The following ERICH6B variants were observed in gnomAD, a reference collection of about 807,000 sequenced individuals.
The protein encoded by ERICH6B is glutamate-rich protein 6B.
Under a neutral mutation model 80.0 loss-of-function variants are expected in ERICH6B, and 69 were observed. The ratio of observed to expected loss-of-function variants is 0.86; its 90% CI spans 0.71 to 1.05. The LOEUF is 1.05. ERICH6B is among the 50% of genes least tolerant of loss of function. The pLI is 0.00. For synonymous variants in ERICH6B, 283 were observed against 291.9 expected, an observed-to-expected ratio of 0.97 and a Z score of 0.31; for missense variants, 754 against 796.1, an observed-to-expected ratio of 0.95 and a Z score of 0.64.
intron 7 of ERICH6B, among the ~76,000 whole-genome samples, chr13:45,576,875 A>G (rs184735686): frequency 3.0e-4 from 45 of 152,334 alleles, no homozygotes; most frequent in Non-Finnish European, 1.5e-5. Flanking sequence ...CACTGTCAAC[A>G]TGTCAAGTGT....
Position 45,596,748 on chromosome 13 carries a change from C to T in ERICH6B, c.258G>A (p.Leu86=). 1 of 1,551,824 alleles carries T rather than the reference C, an allele frequency of 6.4e-7. No individual in the cohort carries two copies. ...KEEYLKEEEY[L]GKEEHLEEEE... The stretch of plus-strand genomic sequence containing the variant: ...CCTCCTCCAGATGCTCTTCCTTCCC[C>T]AGATACTCTTCCTCCTTCAAGTATT... Residue 86 remains leucine (L), a synonymous_variant, in exon 3 of 15, where the codon CTG becomes CTA. Coordinates refer to ENST00000298738, the MANE Select transcript of ERICH6B (RefSeq NM_182542.3).
At chr13:45,608,235 G>A (rs1489399483) in intron 1 of ERICH6B, among the ~76,000 whole-genome samples, 2 of 152,182 alleles carry the variant, frequency 1.3e-5, no homozygotes, top group African/African-American at 4.8e-5. Flanking sequence ...TTAAGTTAAA[G>A]GCACTGAAAA....
At chr13:45,584,145 A>T (rs1386856651) in intron 5 of ERICH6B, among the ~76,000 whole-genome samples, 1 of 152,238 alleles carries the variant, frequency 6.6e-6, no homozygotes, top group East Asian at 1.9e-4. Context: ...GCCAGGCACT[A>T]AGTATGGAGA....
intron 9 of ERICH6B, among the ~76,000 whole-genome samples, chr13:45,565,257 C>T (rs908948751): frequency 6.6e-6 from 1 of 152,102 alleles, no homozygotes; most frequent in South Asian, 2.1e-4. Context: ...TCAATCTCTT[C>T]CTGACTTTTG....
chr13:45,554,344 C>T (rs956640092), intron 11 of ERICH6B, among the ~76,000 whole-genome samples: 1 of 152,274 alleles, frequency 6.6e-6, no homozygotes, highest in East Asian at 1.9e-4. Context: ...ATATAGACCA[C>T]GTTTTCCTTT....
intron 2 of ERICH6B, among the ~76,000 whole-genome samples, chr13:45,605,712 A>G (rs896141118): frequency 6.6e-6 from 1 of 152,186 alleles, no homozygotes; most frequent in East Asian, 1.9e-4. Flanking sequence ...TAGCTCTCTC[A>G]CAGCCTCTTT....
rs1434799781 is a variant in ERICH6B at position 45,592,969 on chromosome 13, A to C, written c.638-2272T>G. Among the ~76,000 whole-genome samples, 3 of 152,308 alleles carry C rather than the reference A, an allele frequency of 2.0e-5. No homozygotes were observed. The East Asian group carries it at 5.8e-4, about 29-fold the overall frequency. Reference sequence around the variant, plus strand: ...CTAGAGATGGTAAGTGACATGCCCAAGGTCTAGACTCCACCGTGTGCTGGG... The same window carrying C: ...CTAGAGATGGTAAGTGACATGCCCACGGTCTAGACTCCACCGTGTGCTGGG... On this transcript the variant is annotated intron_variant, in intron 3 of 14. Coordinates refer to ENST00000298738, the MANE Select transcript of ERICH6B (RefSeq NM_182542.3).
At chr13:45,612,662 A>G (rs1388882756) in intron 1 of ERICH6B, among the ~76,000 whole-genome samples, 2 of 152,192 alleles carry the variant, frequency 1.3e-5, no homozygotes, top group African/African-American at 2.4e-5. Flanking sequence ...CTACCTGCCT[A>G]GCCAGCAGGG....
chr13:45,563,850 A>C, intron 9 of ERICH6B, 62 bp from the exon 10 acceptor site: 2 of 1,365,222 alleles, frequency 1.5e-6, no homozygotes, highest in Non-Finnish European at 2.0e-6. Flanking sequence ...ATGCCATCAC[A>C]CACAGTGCAG....
intron 3 of ERICH6B, among the ~76,000 whole-genome samples, chr13:45,591,485 A>C (rs1226175998): frequency 2.0e-5 from 3 of 152,034 alleles, no homozygotes; most frequent in African/African-American, 7.2e-5. Flanking sequence ...AGTCCCAGCT[A>C]CTCGGGAGGC....
At chr13:45,580,802 GC>G in intron 5 of ERICH6B, 137 bp from the exon 6 acceptor site, 1 of 783,322 alleles carries the variant, frequency 1.3e-6, no homozygotes. Context: ...ACTGAGGCTG[GC>G]GGCACAGCTG....
In ERICH6B at chr13:45,547,425, T is replaced by G. The variant is rs199751493; in HGVS notation, c.1647-2440A>C. Among the ~76,000 whole-genome samples, 17 of 152,254 alleles carry G rather than the reference T, an allele frequency of 1.1e-4. 1 individual carries two copies. The East Asian group carries it at 3.3e-3, about 29-fold the overall frequency. On this transcript the variant is annotated intron_variant, in intron 13 of 14. Coordinates refer to ENST00000298738, the MANE Select transcript of ERICH6B (RefSeq NM_182542.3). ...AAGAATAAAAGCCCCTCACTCAAGC[T>G]CTGGCTTAGCTAGCTCTTAACCAAT...
intron 13 of ERICH6B, among the ~76,000 whole-genome samples, chr13:45,545,722 C>T (rs1348508467): frequency 1.3e-5 from 2 of 152,218 alleles, no homozygotes; most frequent in East Asian, 1.9e-4. Context: ...AGCCCCAGAG[C>T]TGCAGCTTCT....
chr13:45,613,819 T>C (rs1004122757), intron 1 of ERICH6B, among the ~76,000 whole-genome samples: 7 of 152,214 alleles, frequency 4.6e-5, no homozygotes, highest in Admixed American at 3.3e-4. Flanking sequence ...CAAATGTTTC[T>C]ATACAAAGAC....
At chr13:45,610,578 T>G (rs1949893861) in intron 1 of ERICH6B, among the ~76,000 whole-genome samples, 2 of 152,236 alleles carry the variant, frequency 1.3e-5, no homozygotes, top group South Asian at 4.1e-4. Flanking sequence ...GGTTACAATG[T>G]GAACATCACA....
intron 1 of ERICH6B, among the ~76,000 whole-genome samples, chr13:45,608,115 T>C (rs1949879489): frequency 6.6e-6 from 1 of 152,168 alleles, no homozygotes; most frequent in Non-Finnish European, 1.5e-5. Flanking sequence ...CACGTCCCAT[T>C]GATTCCAAGA....
At position 45,541,596 on chromosome 13, in the gene ERICH6B, C is replaced by A. The variant is rs1536207; in HGVS notation, c.1957G>T (p.Val653Phe). The A allele has an allele frequency of 0.37, 576,532 of 1,551,404 alleles. 110,808 individuals carry two copies. The highest frequency in any genetic ancestry group is 0.61 in the East Asian group (24,881 of 40,884). ...AGCCTATTCATTTTCCCCAGAAGGA[C>A]CCGGATCTTCTGGGCTGTTGGGCCG... ...EPGPTAQKIR[V>F]LLGKMNRLLN... The change falls in exon 15 of 15, where the codon GTC (valine) becomes TTC (phenylalanine). Residue 653 changes from valine (V) to phenylalanine (F), a missense_variant. Transcript: ENST00000298738.
intron 5 of ERICH6B, among the ~76,000 whole-genome samples, chr13:45,586,690 C>G (rs565707011): frequency 1.0e-3 from 159 of 152,162 alleles, no homozygotes; most frequent in Middle Eastern, 3.4e-3. Context: ...CCCCAGGGAG[C>G]CAGTGTGTAA....
At chr13:45,587,799 A>G (rs1875979571) in intron 4 of ERICH6B, among the ~76,000 whole-genome samples, 1 of 152,118 alleles carries the variant, frequency 6.6e-6, no homozygotes, top group Non-Finnish European at 1.5e-5. Flanking sequence ...AACCCACACT[A>G]TGTTCTTTCT....
Sources: gnomAD v4.1 joint callset for allele counts (sites outside exome capture counted in the v4.1 genomes callset) on GRCh38, gnomAD v4.1.1 for gene constraint, MANE v1.5 for transcripts, NCBI Gene and HGNC (gene_info 2026-07-23, HGNC 2026-07-21) for gene names.